CNTNAP2: variants seen among roughly 807,000 people sequenced by gnomAD.
The protein encoded by CNTNAP2 is contactin associated protein 2, also known as contactin-associated protein-like 2.
A neutral mutation model predicts 155.2 loss-of-function variants in CNTNAP2; 98 were observed. That is an observed-to-expected ratio of 0.63 (90% CI 0.54 to 0.75). CNTNAP2 has a LOEUF of 0.75. Ranked by LOEUF, CNTNAP2 falls within the 30% of genes least tolerant of loss-of-function variation. CNTNAP2 has a pLI of 0.00. For missense variants in CNTNAP2, 1,727 were observed against 1,688.1 expected (o/e 1.02, Z -0.40); for synonymous variants, 651 against 631.2 (o/e 1.03, Z -0.47).
intron 1 of CNTNAP2, among the ~76,000 whole-genome samples, chr7:146,517,871 A>G (rs766396178): frequency 2.6e-5 from 4 of 151,910 alleles, no homozygotes; most frequent in Non-Finnish European, 4.4e-5. Context: ...TAGCAGCTGC[A>G]TAATAGCCCA....
At chr7:148,181,741 C>CTTT (rs71527884) in intron 18 of CNTNAP2, among the ~76,000 whole-genome samples, 1,096 of 48,666 alleles carry the variant, frequency 0.023, 194 homozygotes, top group African/African-American at 0.025. Context: ...AGTGTGTGCC[C>CTTT]TTTTTTTTTT....
chr7:148,219,111 T>A (rs1795697363), intron 19 of CNTNAP2, among the ~76,000 whole-genome samples: 1 of 151,836 alleles, frequency 6.6e-6, no homozygotes, highest in Non-Finnish European at 1.5e-5. Flanking sequence ...CCTGGCTAAT[T>A]TTTGTATTTT....
At chr7:147,706,690 G>C (rs1468190613) in intron 13 of CNTNAP2, among the ~76,000 whole-genome samples, 2 of 152,080 alleles carry the variant, frequency 1.3e-5, no homozygotes, top group Non-Finnish European at 1.5e-5. Flanking sequence ...GACTTTGAAA[G>C]TTTTCAGCTA....
At chr7:146,408,577 A>G (rs559790425) in intron 1 of CNTNAP2, among the ~76,000 whole-genome samples, 1 of 143,370 alleles carries the variant, frequency 7.0e-6, no homozygotes, top group East Asian at 2.2e-4. Context: ...GAACAATGAG[A>G]ACACTTGGAT....
intron 3 of CNTNAP2, among the ~76,000 whole-genome samples, chr7:146,968,545 G>C (rs562537912): frequency 2.6e-5 from 4 of 152,222 alleles, no homozygotes; most frequent in Admixed American, 2.0e-4. Flanking sequence ...TTGGGAGGGT[G>C]TATGTGTCGA....
chr7:146,453,668 A>G (rs1247895781), intron 1 of CNTNAP2, among the ~76,000 whole-genome samples: 1 of 152,194 alleles, frequency 6.6e-6, no homozygotes, highest in Non-Finnish European at 1.5e-5. Context: ...TTGTTTTACT[A>G]TTGTATCCCA....
chr7:147,296,842 A>C (rs1397986893), intron 8 of CNTNAP2, among the ~76,000 whole-genome samples: 1 of 152,128 alleles, frequency 6.6e-6, no homozygotes, highest in African/African-American at 2.4e-5. Flanking sequence ...AGCCCACTGG[A>C]GTCTCTCTGA....
intron 10 of CNTNAP2, among the ~76,000 whole-genome samples, chr7:147,479,592 C>G (rs1377306104): frequency 2.6e-5 from 4 of 152,050 alleles, no homozygotes; most frequent in Admixed American, 6.6e-5. Context: ...AAGTATAACT[C>G]TAAGTAAATT....
chr7:146,976,089 T>C (rs1017613611), intron 3 of CNTNAP2, among the ~76,000 whole-genome samples: 3 of 152,158 alleles, frequency 2.0e-5, no homozygotes, highest in Admixed American at 6.5e-5. Flanking sequence ...ATTTGAAATA[T>C]GGTGTCAAGT....
chr7:146,627,278 A>C (rs575576397), intron 1 of CNTNAP2, among the ~76,000 whole-genome samples: 1 of 152,294 alleles, frequency 6.6e-6, no homozygotes, highest in East Asian at 1.9e-4. Flanking sequence ...TGTGGGAGTT[A>C]AAATTCAAGA....
chr7:147,009,300 T>A (rs1798581601), intron 3 of CNTNAP2, among the ~76,000 whole-genome samples: 1 of 152,118 alleles, frequency 6.6e-6, no homozygotes, highest in African/African-American at 2.4e-5. Context: ...CCATTCTGCT[T>A]ATAAAACATC....
intron 1 of CNTNAP2, among the ~76,000 whole-genome samples, chr7:146,705,715 A>G (rs1181596116): frequency 6.6e-6 from 1 of 151,914 alleles, no homozygotes; most frequent in Non-Finnish European, 1.5e-5. Flanking sequence ...GTGCAGGGGA[A>G]CTCCTATTTA....
rs1053654055 is a variant in CNTNAP2 at position 146,825,080 on chromosome 7, G to A, written c.209-14631G>A. ...TACAAGGCTTATCTGTCCTGTGTGT[G>A]TGTGTGTACTTATCCTAATGTTGTT... On this transcript the variant is annotated intron_variant, in intron 2 of 23. Transcript: ENST00000361727. Among the ~76,000 whole-genome samples the A allele has an allele frequency of 2.0e-5, 3 of 152,002 alleles. No homozygotes were observed. The South Asian group carries it at 6.2e-4, about 31-fold the overall frequency.
At chr7:146,587,680 A>ATT (rs150142822) in intron 1 of CNTNAP2, among the ~76,000 whole-genome samples, 1 of 150,156 alleles carries the variant, frequency 6.7e-6, no homozygotes, top group African/African-American at 2.4e-5. Context: ...TTTCTTTTTC[A>ATT]TTTTTTTTTG....
At chr7:147,441,781 C>T (rs985330284) in intron 10 of CNTNAP2, among the ~76,000 whole-genome samples, 1 of 150,570 alleles carries the variant, frequency 6.6e-6, no homozygotes, top group Non-Finnish European at 1.5e-5. Context: ...TTGTTCTCTT[C>T]CCTTACTTTC....
intron 1 of CNTNAP2, among the ~76,000 whole-genome samples, chr7:146,270,112 C>T (rs1350037752): frequency 3.9e-5 from 6 of 152,158 alleles, no homozygotes; most frequent in African/African-American, 1.4e-4. Context: ...TCTCCCATTA[C>T]TCACTCCATC....
At chr7:148,214,205 A>G (rs1795598338) in intron 18 of CNTNAP2, among the ~76,000 whole-genome samples, 1 of 152,162 alleles carries the variant, frequency 6.6e-6, no homozygotes, top group African/African-American at 2.4e-5. Context: ...ATCCTCCTCC[A>G]GGTCCGGAGC....
chr7:147,433,612 A>T (rs569786830), intron 10 of CNTNAP2, among the ~76,000 whole-genome samples: 1 of 152,322 alleles, frequency 6.6e-6, no homozygotes, highest in East Asian at 1.9e-4. Flanking sequence ...GTTACCTATG[A>T]AATTTTCCAC....
rs370377093 is a variant in CNTNAP2 at position 147,108,128 on chromosome 7, A to ATTT, written c.551-10_551-8dup. The ATTT allele has an allele frequency of 5.3e-6, 7 of 1,313,464 alleles. No homozygotes were observed. The highest frequency in any genetic ancestry group is 2.6e-5 in the South Asian group (2 of 76,090). 81.4% of individuals were successfully genotyped at this position (1,313,464 alleles called of 1,614,324 possible). A position where few individuals can be genotyped will look rare whatever the true frequency, so the allele number is the denominator to read the frequency against. On this transcript the variant is annotated intron_variant, in intron 4 of 23. Transcript: ENST00000361727. ...ACATACATGGCTGAACTAATATGTT[A>ATTT]TTTTTTTTTTTGTTTTAGGGGCTGA...
Sources: allele counts gnomAD v4.1 joint callset (sites outside exome capture counted in the v4.1 genomes callset), GRCh38; gene constraint gnomAD v4.1.1; transcripts MANE v1.5; gene names NCBI Gene and HGNC (gene_info 2026-07-23, HGNC 2026-07-21).